Variants in PCNT observed in about 807,000 individuals in gnomAD.
The protein encoded by PCNT is kendrin.
A neutral mutation model predicts 380.4 loss-of-function variants in PCNT; 319 were observed. That is an observed-to-expected ratio of 0.84 (90% CI 0.77 to 0.92). PCNT has a LOEUF of 0.92. Among genes scored for constraint, PCNT ranks in the 40% least tolerant of loss-of-function variants. The pLI is 0.00. For synonymous variants in PCNT, 1,845 were observed against 1,735.2 expected (o/e 1.06, Z -1.57); for missense variants, 4,400 against 4,255.3 (o/e 1.03, Z -0.95).
chr21:46,354,986 G>A (rs998157928), intron 11 of PCNT, among the ~76,000 whole-genome samples: 2 of 152,220 alleles, frequency 1.3e-5, no homozygotes, highest in Non-Finnish European at 2.9e-5. Context: ...CCAGGCATTC[G>A]TGTATCACCT....
Position 46,422,023 on chromosome 21 carries a change from G to T in PCNT, c.7078G>T (p.Ala2360Ser). 7 of 1,614,064 alleles carry T rather than the reference G, an allele frequency of 4.3e-6. No individual in the cohort carries two copies. Among genetic ancestry groups the T allele is most frequent in the Non-Finnish European group, 5.9e-6 (7 of 1,180,028 alleles). Residue 2360 changes from alanine to serine, a missense_variant, in exon 32 of 47, where the codon GCT becomes TCT. Transcript: ENST00000359568. ...RLSPGSGGPE[A>S]QTAGPVTPAS... ...GAGCCCGGGGTCAGGAGGCCCTGAG[G>T]CTCAAACTGCTGGTCCTGTGACCCC...
chr21:46,411,880 T>C lies in PCNT; in HGVS notation c.5807T>C (p.Leu1936Pro), dbSNP rs1337240428. ...CGCCTCAGCCGCCAGCTGCAGGTGC[T>C]GCACCAGCGGTTCCTGAGGTGCCAG... ...CARLSRQLQV[L>P]HQRFLRCQVE... The change falls in exon 28 of 47, where the codon CTG becomes CCG. Residue 1936 changes from leucine (L) to proline (P), a missense_variant. Physicochemically the swap from Leu to Pro is moderately conservative, Grantham distance 98 (BLOSUM62 -3). Transcript: ENST00000359568. The C allele has an allele frequency of 1.3e-6, 2 of 1,572,280 alleles. No individual in the cohort carries two copies. The highest frequency in any genetic ancestry group is 3.6e-5 in the Admixed American group (2 of 55,426).
chr21:46,411,793 A>G lies in PCNT; in HGVS notation c.5720A>G (p.Gln1907Arg), dbSNP rs2086794300. The G allele has an allele frequency of 6.3e-7, 1 of 1,599,672 alleles. No homozygotes were observed. The highest frequency in any genetic ancestry group is 1.7e-5 in the Admixed American group (1 of 59,222). The change falls in exon 28 of 47, where the codon CAG becomes CGG. Residue 1907 changes from glutamine to arginine, a missense_variant. Gln to Arg is a conservative substitution (Grantham distance 43). Coordinates refer to ENST00000359568, the MANE Select transcript of PCNT (RefSeq NM_006031.6). ...GCCCGCATCCGCCGCGCCCTGGAGCAGCAGCCCCTGGCAGCCGGGGCGGCG... is the reference window on the plus strand; with the variant it reads ...GCCCGCATCCGCCGCGCCCTGGAGCGGCAGCCCCTGGCAGCCGGGGCGGCG... The part of the protein sequence containing the change: ...ALARIRRALE[Q>R]QPLAAGAAPP...
rs746567968 is a variant in PCNT, at chr21:46,385,826, C to T, written c.3313-6C>T. ...TAACGAAAGCTTTAACCATTTTTCT[C>T]GATAGCTGAAAGACCAGGTTTTATC... On this transcript the variant is annotated splice_polypyrimidine_tract_variant and splice_region_variant and intron_variant, in intron 16 of 46. Transcript: ENST00000359568. The T allele has an allele frequency of 6.2e-6, 10 of 1,614,134 alleles. No homozygotes were observed. The highest frequency in any genetic ancestry group is 1.3e-5 in the African/African-American group (1 of 75,054).
At chr21:46,369,707 G>A (rs551823065) in intron 15 of PCNT, among the ~76,000 whole-genome samples, 2 of 152,348 alleles carry the variant, frequency 1.3e-5, no homozygotes, top group South Asian at 4.1e-4. Context: ...CATGTGGAGC[G>A]TGTGCACCTT....
chr21:46,365,746 G>T (rs2084900612), intron 14 of PCNT, among the ~76,000 whole-genome samples: 1 of 147,518 alleles, frequency 6.8e-6, no homozygotes, highest in Non-Finnish European at 1.5e-5. Flanking sequence ...ACTGCCGTGG[G>T]GTTCTATTCA....
intron 37 of PCNT, 184 bp downstream of exon 37, chr21:46,430,841 C>A: frequency 1.0e-6 from 1 of 985,482 alleles, no homozygotes; most frequent in East Asian, 1.1e-4. Flanking sequence ...GTGGCAGCCA[C>A]CACAGGGCGA....
chr21:46,379,431 G>A (rs1250959106), intron 15 of PCNT, among the ~76,000 whole-genome samples: 2 of 152,226 alleles, frequency 1.3e-5, no homozygotes, highest in African/African-American at 4.8e-5. Flanking sequence ...TGGGTGAAGT[G>A]TGGGTCTCTG....
rs770352850 is a variant in PCNT, at chr21:46,431,536, G to A, written c.8072G>A (p.Arg2691Gln). 5 of 1,613,866 alleles carry A rather than the reference G, an allele frequency of 3.1e-6. No homozygotes were observed. The highest frequency in any genetic ancestry group is 4.5e-5 in the East Asian group (2 of 44,888). Residue 2691 changes from arginine to glutamine, a missense_variant, in exon 38 of 47, where the codon CGG becomes CAG. Physicochemically the swap from Arg to Gln is conservative, Grantham distance 43 (BLOSUM62 1). Transcript: ENST00000359568. ...SQSAKALEEL[R>Q]ASLETQRAQS... ...TATGTGTTTGCTGTCTAGGAGCTGC[G>A]GGCGTCTTTGGAGACACAGCGTGCT...
intron 2 of PCNT, among the ~76,000 whole-genome samples, chr21:46,327,646 G>C (rs2083435096): frequency 6.6e-6 from 1 of 152,252 alleles, no homozygotes; most frequent in Non-Finnish European, 1.5e-5. Context: ...GCTTTGTAAT[G>C]GAAGACTGGG....
At position 46,411,591 on chromosome 21, in the gene PCNT, C is replaced by T. The variant is rs777991572; in HGVS notation, c.5518C>T (p.Arg1840Cys). 1.2e-5 allele frequency: 20 copies of T among 1,612,822 alleles called. No individual in the cohort carries two copies. The highest frequency in any genetic ancestry group is 5.3e-5 in the African/African-American group (4 of 74,920). ...GGAGCTACAGCTGGCTGAGCTGGAG[C>T]GCAATGTAGCCCTCAGGGAGGCTGA... is the stretch of plus-strand genomic sequence containing the variant. Reference protein sequence around the residue: ...AAELQLAELERNVALREAEVE... With the variant: ...AAELQLAELECNVALREAEVE... The change falls in exon 28 of 47, where the codon CGC becomes TGC. Residue 1840 changes from arginine (R) to cysteine (C), a missense_variant. By Grantham distance (180) the Arg-to-Cys change is radical. Coordinates refer to ENST00000359568, the MANE Select transcript of PCNT (RefSeq NM_006031.6).
chr21:46,393,398 C>A (rs1050310225), intron 21 of PCNT, among the ~76,000 whole-genome samples: 1 of 152,170 alleles, frequency 6.6e-6, no homozygotes, highest in African/African-American at 2.4e-5. Context: ...TGCATCTGGG[C>A]GTCCGTTGTC....
chr21:46,424,419 C>T (rs1056975426), intron 32 of PCNT, among the ~76,000 whole-genome samples: 1 of 152,224 alleles, frequency 6.6e-6, no homozygotes, highest in Non-Finnish European at 1.5e-5. Flanking sequence ...TGGGACCCCC[C>T]AGGCTGCCTC....
At chr21:46,372,731 G>A (rs1010428940) in intron 15 of PCNT, among the ~76,000 whole-genome samples, 1 of 152,126 alleles carries the variant, frequency 6.6e-6, no homozygotes, top group African/African-American at 2.4e-5. Flanking sequence ...ATGCAGCGCC[G>A]GATTCTGAGG....
intron 13 of PCNT, among the ~76,000 whole-genome samples, chr21:46,362,809 GCTGCAGTGAGCTGTGATTGTGCCC>G (rs1338064154): frequency 6.6e-5 from 10 of 151,822 alleles, no homozygotes; most frequent in African/African-American, 2.4e-4. Context: ...GGAGTTCGAG[GCTGCAGTGAGCTGTGATTGTGCCC>G]CTGCACTCCA....
In PCNT at chr21:46,367,029, C is replaced by A; in HGVS notation, c.3055C>A (p.Leu1019Met). Reference protein sequence around the residue: ...QTILTQELEKLKRKHEGELQS... With the variant: ...QTILTQELEKMKRKHEGELQS... ...GATTTTGACTCAAGAGTTGGAGAAA[C>A]TGAAGCGGAAACACGAAGGGGAGCT... Residue 1019 changes from leucine to methionine, a missense_variant, in exon 15 of 47, where the codon CTG (leucine) becomes ATG (methionine). Transcript: ENST00000359568. 6.2e-7 allele frequency: 1 copy of A among 1,614,142 alleles called. No homozygotes were observed. The highest frequency in any genetic ancestry group is 1.1e-5 in the South Asian group (1 of 91,086).
rs2085916558 is a variant in PCNT at position 46,388,440 on chromosome 21, G to A, written c.3465-302G>A. On this transcript the variant is annotated intron_variant, in intron 17 of 46. Coordinates refer to ENST00000359568, the MANE Select transcript of PCNT (RefSeq NM_006031.6). The surrounding 1 kb of genome is among the most constrained non-coding windows in gnomAD (Gnocchi z 4.2). ...GTGATTGACGCTGTGCGGCCACATC[G>A]CACACCTGCGGGACGGGTTTGCCGT... Among the ~76,000 whole-genome samples the A allele has an allele frequency of 6.6e-6, 1 of 152,212 alleles. No homozygotes were observed. The highest frequency in any genetic ancestry group is 1.5e-5 in the Non-Finnish European group (1 of 68,028).
At chr21:46,392,616 G>T (rs1247254587) in intron 21 of PCNT, among the ~76,000 whole-genome samples, 2 of 152,178 alleles carry the variant, frequency 1.3e-5, no homozygotes, top group African/African-American at 2.4e-5. Context: ...GTGCCTCCTC[G>T]TGGTGCCCCA....
chr21:46,341,708 G>C (rs1160873088), intron 3 of PCNT, among the ~76,000 whole-genome samples: 1 of 151,700 alleles, frequency 6.6e-6, no homozygotes, highest in Non-Finnish European at 1.5e-5. Flanking sequence ...TTGAGACGGG[G>C]TCTTACCCTG....
Sources: allele counts gnomAD v4.1 joint callset (sites outside exome capture counted in the v4.1 genomes callset), GRCh38; gene constraint gnomAD v4.1.1; non-coding constraint Gnocchi (gnomAD v3.1); transcripts MANE v1.5; gene names NCBI Gene and HGNC (gene_info 2026-07-23, HGNC 2026-07-21).